HLCS: variants seen among roughly 807,000 people sequenced by gnomAD.
HLCS encodes biotin--protein ligase.
In HLCS, 53 loss-of-function variants were observed where a neutral mutation model predicts 75.0. The observed-to-expected ratio is 0.71, with a 90% CI of 0.57 to 0.89. HLCS has a LOEUF of 0.89. HLCS is among the 40% of genes least tolerant of loss of function. The pLI, the probability that HLCS is intolerant of heterozygous loss-of-function variation, is 0.00. For synonymous variants in HLCS, 431 were observed against 428.6 expected (o/e 1.01, Z -0.07); for missense variants, 966 against 1,074.0 (o/e 0.90, Z 1.41).
intron 5 of HLCS, among the ~76,000 whole-genome samples, chr21:36,915,055 T>G (rs1203355688): frequency 6.6e-6 from 1 of 152,140 alleles, no homozygotes; most frequent in East Asian, 1.9e-4. Context: ...TTCCCTTCCT[T>G]CTGATGCTGA....
At chr21:36,926,563 A>T (rs147267941) in intron 5 of HLCS, among the ~76,000 whole-genome samples, 269 of 152,280 alleles carry the variant, frequency 1.8e-3, no homozygotes, top group African/African-American at 6.2e-3. Context: ...ACTCATAACA[A>T]ATAACCAATT....
At chr21:36,825,907 G>A (rs943538232) in intron 6 of HLCS, among the ~76,000 whole-genome samples, 2 of 152,234 alleles carry the variant, frequency 1.3e-5, no homozygotes, top group East Asian at 3.8e-4. Flanking sequence ...AGAGGGCAGG[G>A]GAGCCATAGA....
At chr21:36,907,968 TA>T (rs1485524153) in intron 5 of HLCS, among the ~76,000 whole-genome samples, 1 of 151,686 alleles carries the variant, frequency 6.6e-6, no homozygotes, top group African/African-American at 2.4e-5. Context: ...CCTGAATGGT[TA>T]AAATTAAAAA....
At chr21:36,910,332 G>A (rs1428052191) in intron 5 of HLCS, among the ~76,000 whole-genome samples, 1 of 152,136 alleles carries the variant, frequency 6.6e-6, no homozygotes, top group African/African-American at 2.4e-5. Context: ...ATCACCTGAG[G>A]TCAGGAGTTT....
intron 6 of HLCS, among the ~76,000 whole-genome samples, chr21:36,844,360 G>C (rs1165040898): frequency 6.6e-6 from 1 of 152,126 alleles, no homozygotes; most frequent in African/African-American, 2.4e-5. Context: ...GATTCGGCGG[G>C]CGAGACAGAA....
chr21:36,926,209 T>C (rs891282339), intron 5 of HLCS, among the ~76,000 whole-genome samples: 1 of 152,130 alleles, frequency 6.6e-6, no homozygotes, highest in Non-Finnish European at 1.5e-5. Context: ...GCCAAGAAAC[T>C]GGAACATCCA....
intron 6 of HLCS, among the ~76,000 whole-genome samples, chr21:36,838,101 C>A (rs1569082125): frequency 6.6e-6 from 1 of 151,864 alleles, no homozygotes. Context: ...CTAGTGTAAC[C>A]AAGGCAGCAA....
intron 2 of HLCS, among the ~76,000 whole-genome samples, chr21:36,960,106 G>A (rs2068200746): frequency 1.4e-5 from 2 of 145,108 alleles, no homozygotes; most frequent in South Asian, 4.5e-4. Context: ...ACCTGGTCCA[G>A]CCACAGCCTT....
intron 1 of HLCS, among the ~76,000 whole-genome samples, chr21:36,976,095 T>G (rs1450880709): frequency 1.3e-5 from 2 of 152,142 alleles, no homozygotes; most frequent in Non-Finnish European, 2.9e-5. Flanking sequence ...CAAAGAATGC[T>G]CTATACCCGA....
intron 2 of HLCS, among the ~76,000 whole-genome samples, chr21:36,950,548 C>T (rs972346034): frequency 1.3e-5 from 2 of 151,942 alleles, no homozygotes; most frequent in African/African-American, 2.4e-5. Flanking sequence ...GGACTCATTG[C>T]AGCCTCGACC....
chr21:36,886,432 CAAAAAAAA>C (rs11297170), intron 6 of HLCS, among the ~76,000 whole-genome samples: 1 of 66,918 alleles, frequency 1.5e-5, no homozygotes, highest in South Asian at 6.4e-4. Flanking sequence ...GACTCCATCT[CAAAAAAAA>C]AAAAAAAAAA....
chr21:36,947,101 C>T (rs1009440338), intron 2 of HLCS, among the ~76,000 whole-genome samples: 4 of 152,156 alleles, frequency 2.6e-5, no homozygotes, highest in African/African-American at 9.7e-5. Context: ...AGGAGGAGAA[C>T]CGCTCAGCCA....
intron 1 of HLCS, chr21:36,981,109 C>T (rs2069111525): frequency 1.3e-5 from 2 of 152,428 alleles, no homozygotes; most frequent in Admixed American, 6.5e-5. Flanking sequence ...TTGATAACTG[C>T]TTGTAAAGGT....
chr21:36,868,199 AAAGGG>A (rs1346436942), intron 6 of HLCS, among the ~76,000 whole-genome samples: 2 of 150,580 alleles, frequency 1.3e-5, no homozygotes, highest in Non-Finnish European at 3.0e-5. Flanking sequence ...AAGGAAGGGA[AAAGGG>A]AAGGGAAGGG....
chr21:36,929,126 C>T (rs969919260), intron 5 of HLCS, among the ~76,000 whole-genome samples: 1 of 152,228 alleles, frequency 6.6e-6, no homozygotes, highest in African/African-American at 2.4e-5. Context: ...TAACCTGGGG[C>T]AGGGCCACTC....
chr21:36,988,522 C>T (rs1284925067), intron 1 of HLCS, among the ~76,000 whole-genome samples: 1 of 152,194 alleles, frequency 6.6e-6, no homozygotes, highest in East Asian at 1.9e-4. Flanking sequence ...TGACCTTGTA[C>T]ATATATACAC....
chr21:36,881,222 G>A (rs1461640367), intron 6 of HLCS, among the ~76,000 whole-genome samples: 2 of 151,936 alleles, frequency 1.3e-5, no homozygotes, highest in African/African-American at 4.8e-5. Context: ...CACCTACCTC[G>A]GCCTCCCAAA....
At chr21:36,844,128 G>A (rs774145054) in intron 6 of HLCS, among the ~76,000 whole-genome samples, 71 of 152,052 alleles carry the variant, frequency 4.7e-4, no homozygotes, top group Admixed American at 5.2e-4. Flanking sequence ...CCCTCTCTCC[G>A]GTGCAGCACA....
rs1438620594 is a variant in HLCS at position 36,930,424 on chromosome 21, C to T, written c.1447G>A (p.Glu483Lys). Reference protein sequence around the residue: ...GEAVLCQVHLELPPSSNIVQT... With the variant: ...GEAVLCQVHLKLPPSSNIVQT... Reference sequence around the variant, plus strand: ...ACTATGTTGGAGCTGGGAGGTAGTTCTAAGTGCACCTGAAGGGGAAAGATA... The same window carrying T: ...ACTATGTTGGAGCTGGGAGGTAGTTTTAAGTGCACCTGAAGGGGAAAGATA... Residue 483 changes from glutamate (E) to lysine (K), a missense_variant, in exon 5 of 11, where the codon GAA becomes AAA. Physicochemically the swap from Glu to Lys is moderately conservative, Grantham distance 56. Coordinates refer to ENST00000674895, the MANE Select transcript of HLCS (RefSeq NM_001352514.2). The T allele has an allele frequency of 1.9e-6, 3 of 1,613,918 alleles. No individual in the cohort carries two copies. Among genetic ancestry groups the T allele is most frequent in the Non-Finnish European group, 1.7e-6 (2 of 1,179,814 alleles).
Sources: allele counts gnomAD v4.1 joint callset (sites outside exome capture counted in the v4.1 genomes callset), GRCh38; gene constraint gnomAD v4.1.1; transcripts MANE v1.5; gene names NCBI Gene and HGNC (gene_info 2026-07-23, HGNC 2026-07-21).